The following KATNIP variants were observed in gnomAD, a reference collection of about 807,000 sequenced individuals.
KATNIP encodes katanin-interacting protein.
In KATNIP, 126 loss-of-function variants were observed where a neutral mutation model predicts 174.0. That is an observed-to-expected ratio of 0.72 (90% confidence interval 0.63 to 0.84). The LOEUF (loss-of-function observed/expected upper bound fraction) is 0.84, where lower values mean the gene tolerates loss of function less well. Among genes scored for constraint, KATNIP ranks in the 40% least tolerant of loss-of-function variants. The probability of loss-of-function intolerance (pLI) is 0.00; values close to 1 mark genes in which losing one functional copy is unlikely to be tolerated. For missense variants in KATNIP, 1,958 were observed against 2,109.7 expected (o/e 0.93, Z 1.41); for synonymous variants, 810 against 835.7 (o/e 0.97, Z 0.53).
chr16:27,749,469 C>T (rs925258913), intron 15 of KATNIP, 115 bp from the exon 16 acceptor site: 15 of 1,253,970 alleles, frequency 1.2e-5, no homozygotes, highest in Non-Finnish European at 1.6e-5. Context: ...CTAGAGGGCT[C>T]CCCTGGAGGT....
chr16:27,564,669 A>G (rs1221849515), intron 1 of KATNIP, among the ~76,000 whole-genome samples: 1 of 152,068 alleles, frequency 6.6e-6, no homozygotes, highest in Non-Finnish European at 1.5e-5. Context: ...AAAGGAAGGT[A>G]ACTTAAAGGC....
At chr16:27,746,415 C>T (rs1210330811) in intron 15 of KATNIP, among the ~76,000 whole-genome samples, 2 of 152,176 alleles carry the variant, frequency 1.3e-5, no homozygotes, top group Admixed American at 1.3e-4. Flanking sequence ...TGGAAGAAAC[C>T]TCTGGTATCT....
chr16:27,777,142 C>T lies in KATNIP; in HGVS notation c.4551+113C>T, dbSNP rs753407835. 8.7e-5 allele frequency: 63 copies of T among 726,084 alleles called. No individual in the cohort carries two copies. The highest frequency in any genetic ancestry group is 2.4e-4 in the Middle Eastern group (1 of 4,142). The allele number at this position is 726,084 out of a possible 1,614,324, so 45.0% of individuals were successfully genotyped here. A position where few individuals can be genotyped will look rare whatever the true frequency, so the allele number is the denominator to read the frequency against. ...TACTTCTCTCTGTTGCAACCCTCAA[C>T]ACAAATGCCTGGTCGTCAGATGCAG... On this transcript the variant is annotated intron_variant, in intron 25 of 27. Coordinates refer to ENST00000261588, the MANE Select transcript of KATNIP (RefSeq NM_015202.5). The surrounding 1 kb of genome is among the most constrained non-coding windows in gnomAD (Gnocchi z 4.4).
intron 14 of KATNIP, among the ~76,000 whole-genome samples, chr16:27,726,911 A>G (rs758287908): frequency 1.3e-5 from 2 of 152,182 alleles, no homozygotes; most frequent in African/African-American, 2.4e-5. Flanking sequence ...GGAGGTGGGG[A>G]CCAGATCCTG....
At chr16:27,628,349 C>T (rs1052537638) in intron 3 of KATNIP, among the ~76,000 whole-genome samples, 5 of 152,220 alleles carry the variant, frequency 3.3e-5, no homozygotes, top group Admixed American at 2.0e-4. Flanking sequence ...TGTAAACACA[C>T]GCCTCCTCTC....
intron 6 of KATNIP, among the ~76,000 whole-genome samples, chr16:27,663,307 T>C (rs1343058311): frequency 1.3e-5 from 2 of 151,708 alleles, no homozygotes; most frequent in Non-Finnish European, 2.9e-5. Context: ...CATTTAATTT[T>C]CATACTATTT....
intron 6 of KATNIP, among the ~76,000 whole-genome samples, chr16:27,660,660 G>A (rs2077447718): frequency 6.8e-6 from 1 of 146,496 alleles, no homozygotes; most frequent in Non-Finnish European, 1.5e-5. Context: ...TTTAAGAGAT[G>A]GGGTCTCACT....
intron 2 of KATNIP, among the ~76,000 whole-genome samples, chr16:27,586,145 A>G (rs1311496243): frequency 6.6e-6 from 1 of 152,190 alleles, no homozygotes; most frequent in African/African-American, 2.4e-5. Flanking sequence ...TGGGTTGTTT[A>G]TAAACACAAA....
At chr16:27,623,052 C>T (rs1295628124) in intron 3 of KATNIP, among the ~76,000 whole-genome samples, 1 of 152,136 alleles carries the variant, frequency 6.6e-6, no homozygotes, top group Non-Finnish European at 1.5e-5. Context: ...TGGCAGGCTT[C>T]TTTTTACACC....
intron 18 of KATNIP, among the ~76,000 whole-genome samples, chr16:27,760,329 A>AC (rs1221556050): frequency 6.6e-6 from 1 of 152,154 alleles, no homozygotes; most frequent in Non-Finnish European, 1.5e-5. Context: ...CTAATGAGAC[A>AC]CCGTTAAGGA....
At chr16:27,678,281 GA>G (rs1462571406) in intron 7 of KATNIP, among the ~76,000 whole-genome samples, 4 of 152,208 alleles carry the variant, frequency 2.6e-5, no homozygotes, top group African/African-American at 9.7e-5. Flanking sequence ...GGCTAATACA[GA>G]CTAGCTTAAG....
In KATNIP at chr16:27,776,091, A is replaced by G. The variant is rs1422314625; in HGVS notation, c.4450-837A>G. ...CTCGCGGCTGGACTCCAACATCTGT[A>G]TCTGCTTGAGCCTCACAGGCAACTG... On this transcript the variant is annotated intron_variant, in intron 24 of 27. Transcript: ENST00000261588. The surrounding 1 kb of genome is among the most constrained non-coding windows in gnomAD (Gnocchi z 4.7). 6.6e-6 allele frequency among the ~76,000 whole-genome samples: 1 copy of G among 152,050 alleles called. No individual in the cohort carries two copies. Among genetic ancestry groups the G allele is most frequent in the Non-Finnish European group, 1.5e-5 (1 of 67,998 alleles).
intron 1 of KATNIP, 151 bp from the exon 2 acceptor site, chr16:27,573,750 T>C: frequency 1.5e-6 from 1 of 684,264 alleles, no homozygotes; most frequent in Non-Finnish European, 2.5e-6. Context: ...AGTGTGCCAT[T>C]TTCCCATTAT....
chr16:27,754,547 G>A (rs1005723961), intron 18 of KATNIP: 4 of 364,050 alleles, frequency 1.1e-5, no homozygotes, highest in African/African-American at 6.3e-5. Flanking sequence ...TGACCCAGGA[G>A]GTGTAGTTGG....
chr16:27,636,730 G>T (rs1009812976), intron 5 of KATNIP, among the ~76,000 whole-genome samples: 1 of 152,022 alleles, frequency 6.6e-6, no homozygotes, highest in African/African-American at 2.4e-5. Context: ...TCTCTGAGCT[G>T]TGCACCCCAG....
rs57187521 is a variant in KATNIP at position 27,760,841 on chromosome 16, A to G, written c.3632-572A>G. On this transcript the variant is annotated intron_variant, in intron 18 of 27. Transcript: ENST00000261588. ...TGTACAGTGGCATGGCAGGTTATCA[A>G]TGGAGGTTTGACCTGGTCAAAGAAC... 3.4e-3 allele frequency among the ~76,000 whole-genome samples: 525 copies of G among 152,284 alleles called. 3 individuals are homozygous for G. Among genetic ancestry groups the G allele is most frequent in the African/African-American group, 0.011 (473 of 41,560 alleles).
At chr16:27,555,984 C>A (rs922037452) in intron 1 of KATNIP, among the ~76,000 whole-genome samples, 1 of 151,582 alleles carries the variant, frequency 6.6e-6, no homozygotes, top group African/African-American at 2.4e-5. Flanking sequence ...AAAAATTAGC[C>A]AGGTGTGGTG....
intron 6 of KATNIP, among the ~76,000 whole-genome samples, chr16:27,658,968 T>C (rs749475510): frequency 2.7e-4 from 41 of 151,834 alleles, no homozygotes; most frequent in Non-Finnish European, 5.3e-4. Flanking sequence ...GGTTTCACCA[T>C]GTTGGCCAGG....
At chr16:27,663,496 G>A (rs2077589408) in intron 6 of KATNIP, among the ~76,000 whole-genome samples, 1 of 151,714 alleles carries the variant, frequency 6.6e-6, no homozygotes, top group South Asian at 2.1e-4. Flanking sequence ...AGGCTGGAGT[G>A]CAGTGCAACA....
Sources: gnomAD v4.1 joint callset for allele counts (sites outside exome capture counted in the v4.1 genomes callset) on GRCh38, gnomAD v4.1.1 for gene constraint, Gnocchi (gnomAD v3.1) non-coding constraint, MANE v1.5 for transcripts, NCBI Gene and HGNC (gene_info 2026-07-23, HGNC 2026-07-21) for gene names.